The following TEAD4 variants were observed in gnomAD, a reference collection of about 807,000 sequenced individuals.
The protein encoded by TEAD4 is transcriptional enhancer factor TEF-3.
Under a neutral mutation model 52.4 loss-of-function variants are expected in TEAD4, and 36 were observed. The observed-to-expected ratio is 0.69, with a 90% CI of 0.53 to 0.91. TEAD4 has a LOEUF of 0.91. TEAD4 is among the 40% of genes least tolerant of loss of function. The pLI is 0.00. For missense variants in TEAD4, 508 were observed against 583.9 expected, an observed-to-expected ratio of 0.87 and a Z score of 1.34; for synonymous variants, 220 against 231.0, an observed-to-expected ratio of 0.95 and a Z score of 0.43.
chr12:2,993,531 C>T (rs545079061), intron 2 of TEAD4, among the ~76,000 whole-genome samples: 2 of 152,190 alleles, frequency 1.3e-5, no homozygotes, highest in South Asian at 2.1e-4. Context: ...AGTGCAGTGG[C>T]GCAATCATGG....
At chr12:2,977,519 G>T (rs2098230751) in intron 2 of TEAD4, among the ~76,000 whole-genome samples, 1 of 152,226 alleles carries the variant, frequency 6.6e-6, no homozygotes, top group South Asian at 2.1e-4. Context: ...CCAAAGGATG[G>T]CCGGGAAGGT....
chr12:2,974,164 G>A (rs1019549283), intron 2 of TEAD4, among the ~76,000 whole-genome samples: 1 of 152,124 alleles, frequency 6.6e-6, no homozygotes, highest in African/African-American at 2.4e-5. Flanking sequence ...ACCACGCCTG[G>A]CTAATTTTTG....
intron 3 of TEAD4, among the ~76,000 whole-genome samples, chr12:3,004,748 C>A (rs999002124): frequency 2.6e-5 from 4 of 152,238 alleles, no homozygotes; most frequent in Non-Finnish European, 4.4e-5. Context: ...AGCAAGTGTT[C>A]ATTGTCATCA....
chr12:2,960,935 A>G (rs1351314455), intron 2 of TEAD4, among the ~76,000 whole-genome samples: 1 of 152,162 alleles, frequency 6.6e-6, no homozygotes, highest in Non-Finnish European at 1.5e-5. Flanking sequence ...TGGACCGGGC[A>G]GAGCTGGAAG....
chr12:3,038,568 G>C (rs565285737), intron 11 of TEAD4, among the ~76,000 whole-genome samples: 6 of 152,172 alleles, frequency 3.9e-5, no homozygotes, highest in Non-Finnish European at 8.8e-5. Flanking sequence ...TTCCTTCCCT[G>C]ATTTTCTGCT....
rs757982837 is a variant in TEAD4 at position 2,994,460 on chromosome 12, G to C, written c.-29-278G>C. On this transcript the variant is annotated intron_variant, in intron 2 of 12. Transcript: ENST00000359864. The surrounding 1 kb of genome is among the most constrained non-coding windows in gnomAD (Gnocchi z 4.7). ...TCGATTTAATGTCAGTGCATCCCCG[G>C]CACTGCATCCTTGTCTCCTACTTTT... Among the ~76,000 whole-genome samples the C allele has an allele frequency of 7.2e-5, 11 of 152,142 alleles. No individual in the cohort carries two copies. The highest frequency in any genetic ancestry group is 1.5e-4 in the Non-Finnish European group (10 of 68,010).
At chr12:2,964,027 T>C (rs2098218085) in intron 2 of TEAD4, among the ~76,000 whole-genome samples, 1 of 151,858 alleles carries the variant, frequency 6.6e-6, no homozygotes, top group Non-Finnish European at 1.5e-5. Context: ...TGGGATTGCA[T>C]ATCCGGTAGA....
intron 2 of TEAD4, among the ~76,000 whole-genome samples, chr12:2,984,631 C>T (rs999463997): frequency 8.5e-5 from 13 of 152,168 alleles, no homozygotes; most frequent in Admixed American, 3.3e-4. Context: ...GTATAGCCTA[C>T]GACACACCCA....
At chr12:3,017,764 A>G (rs766104334) in intron 6 of TEAD4, among the ~76,000 whole-genome samples, 67 of 152,302 alleles carry the variant, frequency 4.4e-4, no homozygotes, top group African/African-American at 1.0e-3. Context: ...ACAAGGGGGA[A>G]GGGGGAGCTT....
chr12:3,003,552 G>A (rs10128796), intron 3 of TEAD4, among the ~76,000 whole-genome samples: 20,279 of 152,122 alleles, frequency 0.13, 2,808 homozygotes, highest in African/African-American at 0.35. Flanking sequence ...AGGAGAAAGC[G>A]GAGATTCCTC....
intron 2 of TEAD4, among the ~76,000 whole-genome samples, chr12:2,963,524 G>A (rs1173226076): frequency 6.6e-6 from 1 of 152,344 alleles, no homozygotes; most frequent in East Asian, 1.9e-4. Context: ...GGGTGAGGGG[G>A]CTGTCAGCAG....
At position 3,012,228 on chromosome 12, in the gene TEAD4, T is replaced by TA; in HGVS notation, c.353dup (p.Asp119GlyfsTer5). 1 of 1,614,048 alleles carries TA rather than the reference T, an allele frequency of 6.2e-7. No individual in the cohort carries two copies. The highest frequency in any genetic ancestry group is 8.5e-7 in the Non-Finnish European group (1 of 1,179,970). On this transcript the variant is annotated frameshift_variant, in exon 5 of 13. Transcript: ENST00000359864. LOFTEE classifies it high-confidence loss of function. Reference sequence around the variant, plus strand: ...AAAGCTCGCGAGATCCAGGCCAAGCTAAAGGTAAGGAAACTGCAGTGGGGG... The same window carrying TA: ...AAAGCTCGCGAGATCCAGGCCAAGCTAAAAGGTAAGGAAACTGCAGTGGGGG...
chr12:2,973,323 G>A (rs772303077), intron 2 of TEAD4, among the ~76,000 whole-genome samples: 1 of 152,158 alleles, frequency 6.6e-6, no homozygotes, highest in Admixed American at 6.5e-5. Flanking sequence ...CACCCGCCTC[G>A]CCTCCCACAG....
At chr12:2,967,141 T>C (rs2098221096) in intron 2 of TEAD4, among the ~76,000 whole-genome samples, 2 of 152,188 alleles carry the variant, frequency 1.3e-5, no homozygotes, top group African/African-American at 4.8e-5. Context: ...CTCTTAAAAT[T>C]AATATATGTA....
chr12:3,005,576 A>C (rs1031572245), intron 3 of TEAD4, among the ~76,000 whole-genome samples: 7 of 151,892 alleles, frequency 4.6e-5, no homozygotes, highest in Non-Finnish European at 8.8e-5. Context: ...GGCTCACTGC[A>C]AGCTCTGCCT....
intron 2 of TEAD4, among the ~76,000 whole-genome samples, chr12:2,987,079 G>C (rs1332496661): frequency 6.6e-6 from 1 of 152,206 alleles, no homozygotes; most frequent in East Asian, 1.9e-4. Flanking sequence ...CTGAACACTT[G>C]GTTTTGGGCA....
chr12:3,039,405 C>T (rs998283808), intron 11 of TEAD4, among the ~76,000 whole-genome samples: 11 of 152,154 alleles, frequency 7.2e-5, no homozygotes, highest in African/African-American at 2.7e-4. Context: ...AGGAAATTGA[C>T]GTTGATGCAG....
At chr12:2,967,739 C>T (rs1031057009) in intron 2 of TEAD4, among the ~76,000 whole-genome samples, 8 of 152,184 alleles carry the variant, frequency 5.3e-5, no homozygotes, top group Non-Finnish European at 1.2e-4. Flanking sequence ...TCATTTCATC[C>T]TCTCAGCCCT....
At chr12:3,020,449 TC>T (rs758574370) in intron 8 of TEAD4, among the ~76,000 whole-genome samples, 184 bp from the exon 9 acceptor site, 6 of 152,062 alleles carry the variant, frequency 3.9e-5, no homozygotes, top group Non-Finnish European at 7.4e-5. Context: ...CCAGGGCAGC[TC>T]CAGGATGCCC....
Sources: gnomAD v4.1 joint callset for allele counts (sites outside exome capture counted in the v4.1 genomes callset) on GRCh38, gnomAD v4.1.1 for gene constraint, Gnocchi (gnomAD v3.1) non-coding constraint, MANE v1.5 for transcripts, NCBI Gene and HGNC (gene_info 2026-07-23, HGNC 2026-07-21) for gene names.